Variants in PAPSS1 observed in about 807,000 individuals in gnomAD.
PAPSS1 encodes the protein 3'-phosphoadenosine 5'-phosphosulfate synthase 1.
A neutral mutation model predicts 72.0 loss-of-function variants in PAPSS1; 50 were observed. The observed-to-expected ratio is 0.69, with a 90% CI of 0.55 to 0.88. PAPSS1 has a LOEUF of 0.88. Ranked by LOEUF, PAPSS1 falls within the 40% of genes least tolerant of loss-of-function variation. The pLI is 0.00. For missense variants in PAPSS1, 657 were observed against 782.2 expected (o/e 0.84, Z 1.91); for synonymous variants, 261 against 263.6 (o/e 0.99, Z 0.09).
intron 3 of PAPSS1, among the ~76,000 whole-genome samples, chr4:107,692,502 C>T (rs539125163): frequency 2.6e-5 from 4 of 152,140 alleles, no homozygotes; most frequent in East Asian, 3.9e-4. Context: ...CTGGTGAGCT[C>T]GTGGAGAAAA....
chr4:107,642,349 A>G (rs1202082748), intron 10 of PAPSS1, among the ~76,000 whole-genome samples: 1 of 152,160 alleles, frequency 6.6e-6, no homozygotes, highest in East Asian at 1.9e-4. Context: ...TTTTATCTCT[A>G]CCATTTACTA....
intron 1 of PAPSS1, among the ~76,000 whole-genome samples, chr4:107,713,651 G>A (rs928794105): frequency 3.3e-5 from 5 of 151,792 alleles, no homozygotes; most frequent in Non-Finnish European, 4.4e-5. Flanking sequence ...CCAGCTACTC[G>A]GGAGGCTGAG....
intron 2 of PAPSS1, among the ~76,000 whole-genome samples, chr4:107,697,492 T>G (rs933356162): frequency 1.3e-5 from 2 of 152,180 alleles, no homozygotes; most frequent in African/African-American, 4.8e-5. Context: ...AGTTTGAAAC[T>G]CTAAACTTTT....
chr4:107,683,068 T>C (rs1722678021), intron 4 of PAPSS1, among the ~76,000 whole-genome samples: 4 of 152,318 alleles, frequency 2.6e-5, no homozygotes, highest in African/African-American at 9.6e-5. Context: ...ACGCTATTCC[T>C]ATCTTATACC....
intron 10 of PAPSS1, among the ~76,000 whole-genome samples, chr4:107,637,589 T>C (rs1560568089): frequency 6.6e-6 from 1 of 152,208 alleles, no homozygotes. Context: ...AATTGAACAA[T>C]TAAAATTTAA....
chr4:107,663,294 A>C (rs1287979308), intron 5 of PAPSS1, among the ~76,000 whole-genome samples: 1 of 152,280 alleles, frequency 6.6e-6, no homozygotes, highest in East Asian at 1.9e-4. Context: ...AAGAGGGCAA[A>C]GTCTTTTTAT....
At chr4:107,635,015 G>T (rs372932382) in intron 10 of PAPSS1, among the ~76,000 whole-genome samples, 1 of 151,934 alleles carries the variant, frequency 6.6e-6, no homozygotes, top group Admixed American at 6.6e-5. Context: ...AGCCAGGATG[G>T]TCTCGATCTC....
chr4:107,621,282 TC>T (rs1411169119), intron 11 of PAPSS1, among the ~76,000 whole-genome samples: 2 of 152,238 alleles, frequency 1.3e-5, no homozygotes, highest in African/African-American at 4.8e-5. Context: ...ACAAAGAACT[TC>T]TAGTAGCATG....
intron 3 of PAPSS1, among the ~76,000 whole-genome samples, chr4:107,688,120 C>T (rs1224391425): frequency 1.3e-5 from 2 of 152,102 alleles, no homozygotes; most frequent in Non-Finnish European, 2.9e-5. Context: ...CTAGGAATTC[C>T]CTCCCCTTTC....
At chr4:107,638,911 T>G (rs1359684683) in intron 10 of PAPSS1, among the ~76,000 whole-genome samples, 1 of 152,224 alleles carries the variant, frequency 6.6e-6, no homozygotes, top group African/African-American at 2.4e-5. Context: ...TCAAATAACA[T>G]ATCCTAGCTG....
intron 5 of PAPSS1, among the ~76,000 whole-genome samples, chr4:107,674,174 C>A (rs576628072): frequency 6.6e-6 from 1 of 152,280 alleles, no homozygotes; most frequent in Non-Finnish European, 1.5e-5. Flanking sequence ...ATCAAATTCA[C>A]ACATAACAAT....
At chr4:107,674,148 A>C (rs1462572342) in intron 5 of PAPSS1, among the ~76,000 whole-genome samples, 2 of 152,238 alleles carry the variant, frequency 1.3e-5, no homozygotes, top group Admixed American at 1.3e-4. Context: ...TAACCAGCTA[A>C]CATCATAATG....
At chr4:107,700,428 G>A (rs539530153) in intron 2 of PAPSS1, among the ~76,000 whole-genome samples, 1 of 152,220 alleles carries the variant, frequency 6.6e-6, no homozygotes, top group South Asian at 2.1e-4. Flanking sequence ...AAGACTCTAG[G>A]GAAACAATCA....
At position 107,682,122 on chromosome 4, in the gene PAPSS1, TC is replaced by T; in HGVS notation, c.561del (p.Ile188SerfsTer15). 2 of 1,580,230 alleles carry T rather than the reference TC, an allele frequency of 1.3e-6. No individual in the cohort carries two copies. Among genetic ancestry groups the T allele is most frequent in the Non-Finnish European group, 1.7e-6 (2 of 1,151,630 alleles). On this transcript the variant is annotated frameshift_variant, in exon 5 of 12. Coordinates refer to ENST00000265174, the MANE Select transcript of PAPSS1 (RefSeq NM_005443.5). LOFTEE classifies it high-confidence loss of function. ...TCTGGCTTTTCATATTCAGAATCGA[TC>T]CCAGTGAAACCTGCAAAAGGTAACA... ...ARAGEIKGFTGIDSEYEKPEA... is the reference protein window; with the variant it reads ...ARAGEIKGFTXIDSEYEKPEA...
intron 3 of PAPSS1, among the ~76,000 whole-genome samples, chr4:107,693,399 C>T (rs539019561): frequency 2.6e-4 from 40 of 152,240 alleles, no homozygotes; most frequent in African/African-American, 8.9e-4. Context: ...AGCAAAGAAG[C>T]CATGGTAGGG....
chr4:107,719,994 C>G (rs1471190198), intron 1 of PAPSS1, 126 bp downstream of exon 1: 11 of 1,482,838 alleles, frequency 7.4e-6, no homozygotes, highest in African/African-American at 1.5e-5. Flanking sequence ...GCCGCAGCCC[C>G]GGAACCCACC....
chr4:107,632,408 C>A (rs1414248093), intron 10 of PAPSS1, among the ~76,000 whole-genome samples: 1 of 150,898 alleles, frequency 6.6e-6, no homozygotes. Context: ...AAAAAAAAAA[C>A]CCTGTTGGAT....
intron 5 of PAPSS1, among the ~76,000 whole-genome samples, chr4:107,674,253 G>A (rs919198809): frequency 6.6e-6 from 1 of 152,140 alleles, no homozygotes; most frequent in Non-Finnish European, 1.5e-5. Context: ...TGGATAAAGA[G>A]TCAAGACCCA....
chr4:107,632,965 A>G (rs1211079150), intron 10 of PAPSS1, among the ~76,000 whole-genome samples: 6 of 152,192 alleles, frequency 3.9e-5, no homozygotes, highest in African/African-American at 1.4e-4. Flanking sequence ...ATTTACCAAC[A>G]TAGTTTAGAA....
Sources: allele counts gnomAD v4.1 joint callset (sites outside exome capture counted in the v4.1 genomes callset), GRCh38; gene constraint gnomAD v4.1.1; transcripts MANE v1.5; gene names NCBI Gene and HGNC (gene_info 2026-07-23, HGNC 2026-07-21).